Variants in TRNT1 observed in about 807,000 individuals in gnomAD.
TRNT1 encodes the protein tRNA nucleotidyl transferase 1, also known as CCA tRNA nucleotidyltransferase 1, mitochondrial.
A neutral mutation model predicts 45.6 loss-of-function variants in TRNT1; 44 were observed. The observed-to-expected ratio is 0.97, with a 90% CI of 0.76 to 1.24. The LOEUF (loss-of-function observed/expected upper bound fraction) is 1.24. TRNT1 is among the 50% of genes most tolerant of loss of function. TRNT1 has a pLI of 0.00. For synonymous variants in TRNT1, 201 were observed against 171.4 expected, an observed-to-expected ratio of 1.17 and a Z score of -1.35; for missense variants, 633 against 504.4, an observed-to-expected ratio of 1.25 and a Z score of -2.44.
chr3:3,150,703 C>CAAAT, downstream of TRNT1: 1 of 689,546 alleles, frequency 1.5e-6, no homozygotes, highest in Non-Finnish European at 2.4e-6. Flanking sequence ...TTAAAAGTTT[C>CAAAT]AAATACAGTT....
chr3:3,148,709 C>G lies in TRNT1; in HGVS notation c.*555C>G, dbSNP rs1706237981. 1.3e-5 allele frequency: 2 copies of G among 152,172 alleles called. No individual in the cohort carries two copies. The highest frequency in any genetic ancestry group is 4.8e-5 in the African/African-American group (2 of 41,410). The allele number at this position is 152,172 out of a possible 1,614,324, so 9.4% of individuals were successfully genotyped here. ...GGATTTGTTCTAGCAAGCTATGCTT[C>G]AGTATGTGGTTGATATTTTTCTGTC... On this transcript the variant is annotated 3_prime_UTR_variant, in exon 8 of 8. Coordinates refer to ENST00000251607, the MANE Select transcript of TRNT1 (RefSeq NM_182916.3).
chr3:3,128,305 A>G (rs1210365184), intron 1 of TRNT1, among the ~76,000 whole-genome samples: 1 of 152,074 alleles, frequency 6.6e-6, no homozygotes, highest in East Asian at 1.9e-4. Flanking sequence ...CCTGTTAAGA[A>G]TTCCTTTGTG....
At chr3:3,152,085 A>C (rs1706597900), downstream of TRNT1, among the ~76,000 whole-genome samples, 1 of 152,160 alleles carries the variant, frequency 6.6e-6, no homozygotes, top group Non-Finnish European at 1.5e-5. Context: ...TCATTCAATG[A>C]TAAAAGATAC....
At chr3:3,128,576 G>A (rs1704755749) in intron 1 of TRNT1, among the ~76,000 whole-genome samples, 1 of 127,616 alleles carries the variant, frequency 7.8e-6, no homozygotes, top group Admixed American at 1.0e-4. Context: ...TCCCGCCTGA[G>A]CGACAGAGCG....
downstream of TRNT1, among the ~76,000 whole-genome samples, chr3:3,151,863 A>G (rs1706580842): frequency 6.6e-6 from 1 of 152,218 alleles, no homozygotes; most frequent in African/African-American, 2.4e-5. Context: ...GAAAAGCAGG[A>G]TTCAATGGGT....
At chr3:3,135,634 G>A (rs540213365) in intron 2 of TRNT1, among the ~76,000 whole-genome samples, 1 of 152,156 alleles carries the variant, frequency 6.6e-6, no homozygotes, top group African/African-American at 2.4e-5. Context: ...CAGAGAATGG[G>A]GCTGAAAAGA....
chr3:3,147,484 C>CAA lies in TRNT1; in HGVS notation c.839_840dup (p.Val281LysfsTer14), dbSNP rs1706122339. On this transcript the variant is annotated frameshift_variant, in exon 7 of 8. Transcript: ENST00000251607. LOFTEE classifies it high-confidence loss of function. ...CTAATGCAAGTTTAGAAGAATTTGA[C>CAA]AAAGTCAGTAAAAATGTTGATGGTT... 3 of 1,613,524 alleles carry CAA rather than the reference C, an allele frequency of 1.9e-6. No homozygotes were observed. In the East Asian group the frequency reaches 6.7e-5, roughly 36 times the overall value.
chr3:3,128,587 A>G (rs967234130), intron 1 of TRNT1, among the ~76,000 whole-genome samples: 6 of 126,650 alleles, frequency 4.7e-5, no homozygotes, highest in Admixed American at 3.0e-4. Flanking sequence ...CGACAGAGCG[A>G]GACTCCATCT....
At chr3:3,141,184 G>A (rs1395237637) in intron 4 of TRNT1, among the ~76,000 whole-genome samples, 1 of 152,330 alleles carries the variant, frequency 6.6e-6, no homozygotes, top group Admixed American at 6.5e-5. Context: ...TTGTACCGCT[G>A]TTGTGAGGTT....
chr3:3,144,361 G>T (rs1276482327), intron 4 of TRNT1, among the ~76,000 whole-genome samples: 1 of 152,072 alleles, frequency 6.6e-6, no homozygotes, highest in Non-Finnish European at 1.5e-5. Flanking sequence ...TTTATTCTTG[G>T]ATTATCTTTT....
downstream of TRNT1, among the ~76,000 whole-genome samples, chr3:3,152,166 A>AAT (rs772777865): frequency 0.036 from 2,248 of 62,866 alleles, 19 homozygotes; most frequent in Non-Finnish European, 0.071. Flanking sequence ...TTTTTTTTTT[A>AAT]AATAGACAGA....
intron 2 of TRNT1, among the ~76,000 whole-genome samples, chr3:3,133,365 G>A (rs1245498975): frequency 6.6e-6 from 1 of 151,996 alleles, no homozygotes; most frequent in African/African-American, 2.4e-5. Flanking sequence ...ACCAGCCTGA[G>A]CAACATAGTG....
At position 3,129,124 on chromosome 3, in the gene TRNT1, C is replaced by T. The variant is rs1276667490; in HGVS notation, c.84C>T (p.Phe28=). 1 of 1,614,010 alleles carries T rather than the reference C, an allele frequency of 6.2e-7. No homozygotes were observed. Among genetic ancestry groups the T allele is most frequent in the Non-Finnish European group, 8.5e-7 (1 of 1,179,868 alleles). Residue 28 remains phenylalanine, a synonymous_variant, in exon 2 of 8, where the codon TTC becomes TTT. Transcript: ENST00000251607. The part of the protein sequence containing the change: ...SRLCLPKQYL[F]TMKLQSPEFQ... ...TGTGCCTTCCGAAGCAGTATCTATTCACAATGAAGTTGCAGTCTCCCGAAT... is the reference window on the plus strand; with the variant it reads ...TGTGCCTTCCGAAGCAGTATCTATTTACAATGAAGTTGCAGTCTCCCGAAT...
intron 1 of TRNT1, 29 bp from the exon 2 acceptor site, chr3:3,128,985 A>G: frequency 6.8e-7 from 1 of 1,475,448 alleles, no homozygotes; most frequent in Non-Finnish European, 9.1e-7. Context: ...TTTTAATTTC[A>G]TTGGTATGCC....
At position 3,129,891 on chromosome 3, in the gene TRNT1, C is replaced by T. The variant is rs1055762020; in HGVS notation, c.148+703C>T. The T allele has an allele frequency of 2.6e-6, 4 of 1,550,498 alleles. No homozygotes were observed. In the African/African-American group the frequency reaches 4.1e-5, roughly 16 times the overall value. The stretch of plus-strand genomic sequence containing the variant: ...CAGATTGATTTCAGAGCCCAGCTTG[C>T]AACCGCTAAGCTCTGTTTCCTTCCT... On this transcript the variant is annotated intron_variant, in intron 2 of 7. Coordinates refer to ENST00000251607, the MANE Select transcript of TRNT1 (RefSeq NM_182916.3).
At chr3:3,133,680 T>A (rs1370346923) in intron 2 of TRNT1, among the ~76,000 whole-genome samples, 1 of 152,176 alleles carries the variant, frequency 6.6e-6, no homozygotes, top group Non-Finnish European at 1.5e-5. Context: ...GTCCTTTGGC[T>A]GTTGTCCACA....
chr3:3,142,471 C>G (rs1257807222), intron 4 of TRNT1, among the ~76,000 whole-genome samples: 1 of 152,200 alleles, frequency 6.6e-6, no homozygotes, highest in Non-Finnish European at 1.5e-5. Context: ...AGGTCACATT[C>G]TTAACCACTA....
intron 3 of TRNT1, 113 bp from the exon 4 acceptor site, chr3:3,140,397 T>C: frequency 1.0e-6 from 1 of 963,772 alleles, no homozygotes; most frequent in Non-Finnish European, 1.5e-6. Flanking sequence ...AGACTATAAC[T>C]GTCAGGGCTT....
intron 2 of TRNT1, among the ~76,000 whole-genome samples, chr3:3,134,848 G>C (rs1365207455): frequency 1.3e-5 from 2 of 151,986 alleles, no homozygotes; most frequent in African/African-American, 4.8e-5. Context: ...TAATATAATT[G>C]GTATGTATAA....
Sources: allele counts gnomAD v4.1 joint callset (sites outside exome capture counted in the v4.1 genomes callset), GRCh38; gene constraint gnomAD v4.1.1; transcripts MANE v1.5; gene names NCBI Gene and HGNC (gene_info 2026-07-23, HGNC 2026-07-21).